Variants in PCDH11Y observed in about 807,000 individuals in gnomAD.
PCDH11Y encodes protocadherin-11 Y-linked.
For missense variants in PCDH11Y, 12 were observed against 224.8 expected (o/e 0.05, Z 6.05); for synonymous variants, 9 against 83.6 (o/e 0.11, Z 4.87).
At chrY:5,359,347 G>C in intron 2 of PCDH11Y, among the ~76,000 whole-genome samples, 1 of 32,840 alleles carries the variant, frequency 3.0e-5, no homozygotes, top group South Asian at 7.0e-4. Context: ...CCACGTATTT[G>C]TTAACTGTCA....
intron 4 of PCDH11Y, among the ~76,000 whole-genome samples, chrY:5,735,540 AT>A (rs2053608687): frequency 3.0e-5 from 1 of 33,113 alleles, no homozygotes; most frequent in Non-Finnish European, 7.4e-5. Flanking sequence ...TCACTTTAGA[AT>A]TTTGTGGATC....
chrY:5,658,054 G>C (rs2124706917), intron 4 of PCDH11Y, among the ~76,000 whole-genome samples: 1 of 33,439 alleles, frequency 3.0e-5, no homozygotes, highest in African/African-American at 1.2e-4. Context: ...ATAATATTCT[G>C]TGCTTTTCCA....
At chrY:5,293,800 C>CT (rs2053070414) in intron 2 of PCDH11Y, among the ~76,000 whole-genome samples, 2 of 31,623 alleles carry the variant, frequency 6.3e-5, no homozygotes, top group Non-Finnish European at 1.5e-4. Context: ...GAATTGACCC[C>CT]TTTATCATTG....
intron 2 of PCDH11Y, among the ~76,000 whole-genome samples, chrY:5,445,786 A>G: frequency 3.0e-5 from 1 of 33,266 alleles, no homozygotes; most frequent in South Asian, 6.6e-4. Context: ...TATTGAAGTT[A>G]TGAAAAGCAA....
intron 2 of PCDH11Y, among the ~76,000 whole-genome samples, chrY:5,147,246 CCTAA>C (rs2052858044): frequency 3.2e-5 from 1 of 30,841 alleles, no homozygotes; most frequent in African/African-American, 1.3e-4. Context: ...TTTAGAGAAC[CCTAA>C]CTAATACAGA....
chrY:5,356,751 G>C, intron 2 of PCDH11Y, among the ~76,000 whole-genome samples: 1 of 28,500 alleles, frequency 3.5e-5, no homozygotes, highest in African/African-American at 1.4e-4. Context: ...TGGGCGTGGT[G>C]GTGGGGGCCT....
At chrY:5,318,463 CCAAA>C in intron 2 of PCDH11Y, among the ~76,000 whole-genome samples, 1 of 32,909 alleles carries the variant, frequency 3.0e-5, no homozygotes. Flanking sequence ...GATGAACTCT[CCAAA>C]CATTTTAAAG....
At chrY:5,566,118 C>T (rs2053434883) in intron 3 of PCDH11Y, among the ~76,000 whole-genome samples, 2 of 27,375 alleles carry the variant, frequency 7.3e-5, no homozygotes, top group Admixed American at 3.6e-4. Context: ...GGACTACAGG[C>T]GTGCCCCACC....
At chrY:5,102,610 A>G (rs2124637218), downstream of PCDH11Y, among the ~76,000 whole-genome samples, 1 of 31,912 alleles carries the variant, frequency 3.1e-5, no homozygotes, top group Non-Finnish European at 7.7e-5. Flanking sequence ...TGGATGAAGA[A>G]CAAAAAACTG....
At chrY:5,359,235 C>T in intron 2 of PCDH11Y, among the ~76,000 whole-genome samples, 1 of 31,796 alleles carries the variant, frequency 3.1e-5, no homozygotes, top group South Asian at 7.3e-4. Flanking sequence ...AATGGCTACT[C>T]CATGGACATT....
At chrY:5,387,095 G>A (rs2053216469) in intron 2 of PCDH11Y, among the ~76,000 whole-genome samples, 1 of 30,020 alleles carries the variant, frequency 3.3e-5, no homozygotes, top group Non-Finnish European at 7.9e-5. Flanking sequence ...GTGCGATCTC[G>A]GCTTACTGCA....
intron 2 of PCDH11Y, among the ~76,000 whole-genome samples, chrY:5,222,197 A>C (rs2052955066): frequency 3.0e-5 from 1 of 33,123 alleles, no homozygotes; most frequent in Non-Finnish European, 7.4e-5. Flanking sequence ...ATTTTGTTGA[A>C]GATATTTGTA....
chrY:5,230,228 A>G, intron 2 of PCDH11Y, among the ~76,000 whole-genome samples: 1 of 33,075 alleles, frequency 3.0e-5, no homozygotes, highest in South Asian at 6.6e-4. Flanking sequence ...ACTTACTATT[A>G]TCATTAGGTT....
At chrY:5,334,268 TG>T (rs2124667877) in intron 2 of PCDH11Y, among the ~76,000 whole-genome samples, 1 of 33,920 alleles carries the variant, frequency 2.9e-5, no homozygotes, top group African/African-American at 1.2e-4. Flanking sequence ...GGAGTCTTTT[TG>T]GGAAAGGGCT....
exon 2 of PCDH11Y, chrY:5,099,187 C>T: frequency 2.0e-5 from 8 of 396,553 alleles, no homozygotes; most frequent in Non-Finnish European, 2.8e-5. Context: ...CAATTACCTG[C>T]TAGGCCCTGA....
At chrY:5,508,049 T>G in intron 3 of PCDH11Y, among the ~76,000 whole-genome samples, 1 of 33,291 alleles carries the variant, frequency 3.0e-5, no homozygotes, top group Non-Finnish European at 7.5e-5. Flanking sequence ...AGCATTTGGG[T>G]GACTTGGAAT....
At chrY:5,573,097 CGTCGGCA>C (rs2053440746) in intron 3 of PCDH11Y, 1 of 162,732 alleles carries the variant, frequency 6.1e-6, no homozygotes, top group Non-Finnish European at 1.1e-5. Context: ...GGGCCACCAT[CGTCGGCA>C]AAGCCTGAGT....
At chrY:5,478,730 A>T in intron 2 of PCDH11Y, among the ~76,000 whole-genome samples, 2 of 32,986 alleles carry the variant, frequency 6.1e-5, no homozygotes, top group African/African-American at 2.4e-4. Flanking sequence ...TATTTAGGGT[A>T]GTTAACTCTT....
At chrY:5,003,090 C>G in intron 1 of PCDH11Y, among the ~76,000 whole-genome samples, 4 of 34,382 alleles carry the variant, frequency 1.2e-4, no homozygotes, top group Admixed American at 2.5e-4. Context: ...GGCTCGCAGC[C>G]CCCCCCCTTC....
Sources: gnomAD v4.1 joint callset for allele counts (sites outside exome capture counted in the v4.1 genomes callset) on GRCh38, gnomAD v4.1.1 for gene constraint, MANE v1.5 for transcripts, NCBI Gene and HGNC (gene_info 2026-07-23, HGNC 2026-07-21) for gene names.